The following DAG1 variants were observed in gnomAD, a reference collection of about 807,000 sequenced individuals.
DAG1 encodes the protein dystroglycan 1.
In DAG1, 8 loss-of-function variants were observed where a neutral mutation model predicts 46.1. The ratio of observed to expected loss-of-function variants is 0.17; its 90% confidence interval spans 0.10 to 0.31. The LOEUF (loss-of-function observed/expected upper bound fraction) is 0.31. Among genes scored for constraint, DAG1 ranks in the 10% least tolerant of loss-of-function variants. DAG1 has a pLI of 1.00. For missense variants in DAG1, 1,003 were observed against 1,189.9 expected, an observed-to-expected ratio of 0.84 and a Z score of 2.31; for synonymous variants, 495 against 481.8, an observed-to-expected ratio of 1.03 and a Z score of -0.36.
rs546094977 is a variant in DAG1 at position 49,488,239 on chromosome 3, C to T, written c.-117+17806C>T. On this transcript the variant is annotated intron_variant, in intron 1 of 2. Coordinates refer to ENST00000308775, the MANE Select transcript of DAG1 (RefSeq NM_004393.6). ...CTGTCTCATGTTGTTTCAAACTGCC[C>T]CACCTCCTTCCTCTTCCATCTTATG... is the stretch of plus-strand genomic sequence containing the variant. Among the ~76,000 whole-genome samples, 8 of 152,218 alleles carry T rather than the reference C, an allele frequency of 5.3e-5. No individual in the cohort carries two copies. The South Asian group carries it at 1.7e-3, about 32-fold the overall frequency.
Position 49,532,672 on chromosome 3 carries a change from G to T in DAG1, c.2161G>T (p.Val721Leu). Residue 721 changes from valine to leucine, a missense_variant, in exon 3 of 3, where the codon GTG (valine) becomes TTG (leucine). Transcript: ENST00000308775. This position sits in a 1 kb window ranked among gnomAD's most constrained non-coding sequence, Gnocchi z 5.4. The part of the protein sequence containing the change: ...GSCRHLQFIP[V>L]VPPRRVPSEA... Reference sequence around the variant, plus strand: ...TTGTCGGCACCTACAGTTTATCCCTGTGGTACCACCCAGGAGAGTGCCCTC... The same window carrying T: ...TTGTCGGCACCTACAGTTTATCCCTTTGGTACCACCCAGGAGAGTGCCCTC... The T allele has an allele frequency of 6.2e-7, 1 of 1,614,168 alleles. No individual in the cohort carries two copies. Among genetic ancestry groups the T allele is most frequent in the Admixed American group, 1.7e-5 (1 of 60,034 alleles).
intron 1 of DAG1, among the ~76,000 whole-genome samples, chr3:49,499,209 A>G (rs1040635762): frequency 6.6e-6 from 1 of 152,026 alleles, no homozygotes; most frequent in African/African-American, 2.4e-5. Context: ...ACTAATAGAG[A>G]GCTGTTGTTT....
chr3:49,511,565 G>A (rs896551359), intron 2 of DAG1, among the ~76,000 whole-genome samples: 3 of 152,222 alleles, frequency 2.0e-5, no homozygotes, highest in African/African-American at 4.8e-5. Flanking sequence ...CCAAGCTGGA[G>A]TGCACTGGCA....
intron 2 of DAG1, among the ~76,000 whole-genome samples, chr3:49,528,672 A>G (rs188296767): frequency 7.9e-4 from 120 of 152,316 alleles, no homozygotes; most frequent in African/African-American, 2.9e-3. Context: ...CCATGTTTAC[A>G]GATGTTTTAA....
chr3:49,525,324 T>A (rs1559573459), intron 2 of DAG1, among the ~76,000 whole-genome samples: 1 of 152,188 alleles, frequency 6.6e-6, no homozygotes, highest in African/African-American at 2.4e-5. Flanking sequence ...TTGGAGAGAC[T>A]TGGCTCTTAT....
intron 1 of DAG1, among the ~76,000 whole-genome samples, chr3:49,478,520 C>T (rs2049758336): frequency 7.6e-6 from 1 of 132,260 alleles, no homozygotes; most frequent in Non-Finnish European, 1.5e-5. Flanking sequence ...ATCTTTTGAG[C>T]CCAAGAGTTT....
intron 1 of DAG1, among the ~76,000 whole-genome samples, chr3:49,489,098 C>CTT (rs562212219): frequency 3.6e-5 from 5 of 140,238 alleles, no homozygotes; most frequent in African/African-American, 7.8e-5. Flanking sequence ...TGTGAATTAC[C>CTT]TTTTTTTTTT....
At position 49,534,319 on chromosome 3, in the gene DAG1, A is replaced by G. The variant is rs1192037970; in HGVS notation, c.*1120A>G. On this transcript the variant is annotated 3_prime_UTR_variant, in exon 3 of 3. Transcript: ENST00000308775. ...ACTTGACCTTGGCCGCTTTGTCCTA[A>G]CAGTCCACAGTCCTGCCCCGACCCA... is the stretch of plus-strand genomic sequence containing the variant. The G allele has an allele frequency of 6.6e-6, 1 of 152,520 alleles. No individual in the cohort carries two copies. Among genetic ancestry groups the G allele is most frequent in the Non-Finnish European group, 1.5e-5 (1 of 68,032 alleles). 9.4% of individuals were successfully genotyped at this position (152,520 alleles called of 1,614,324 possible). A position where few individuals can be genotyped will look rare whatever the true frequency, so the allele number is the denominator to read the frequency against.
intron 1 of DAG1, among the ~76,000 whole-genome samples, chr3:49,484,266 T>A (rs1351477247): frequency 6.6e-6 from 1 of 152,118 alleles, no homozygotes; most frequent in African/African-American, 2.4e-5. Flanking sequence ...TTAAAAGTAG[T>A]TAGAAAGTGA....
chr3:49,490,567 ATTC>A (rs932194967), intron 1 of DAG1, among the ~76,000 whole-genome samples: 2 of 149,602 alleles, frequency 1.3e-5, no homozygotes, highest in African/African-American at 4.9e-5. Context: ...TAATTTTTTT[ATTC>A]TTTTATTTTT....
At chr3:49,473,209 A>G (rs548271261) in intron 1 of DAG1, among the ~76,000 whole-genome samples, 1 of 151,338 alleles carries the variant, frequency 6.6e-6, no homozygotes, top group Admixed American at 6.6e-5. Flanking sequence ...AGGTCAGGAG[A>G]TCAAGACCAT....
At chr3:49,478,362 A>G (rs2049749119) in intron 1 of DAG1, among the ~76,000 whole-genome samples, 2 of 142,718 alleles carry the variant, frequency 1.4e-5, no homozygotes, top group South Asian at 4.6e-4. Context: ...TGGGAGGCTA[A>G]GGTGGGAGGA....
chr3:49,526,249 C>G (rs1018928428), intron 2 of DAG1, among the ~76,000 whole-genome samples: 1 of 152,196 alleles, frequency 6.6e-6, no homozygotes, highest in African/African-American at 2.4e-5. Context: ...CCCCCATGAT[C>G]CAGTCCCCTC....
intron 2 of DAG1, among the ~76,000 whole-genome samples, chr3:49,513,715 A>G (rs984113058): frequency 1.3e-5 from 2 of 152,172 alleles, no homozygotes; most frequent in African/African-American, 2.4e-5. Flanking sequence ...AGCAGCTCAC[A>G]TGTAGCAGTT....
chr3:49,501,905 A>C lies in DAG1; in HGVS notation c.-116-8514A>C, dbSNP rs142250854. ...CAGTAAAGAAAACTGTAGGCCAAGC[A>C]CAGTGGCTCACGCCTGTTCCCAACA... On this transcript the variant is annotated intron_variant, in intron 1 of 2. Coordinates refer to ENST00000308775, the MANE Select transcript of DAG1 (RefSeq NM_004393.6). Among the ~76,000 whole-genome samples the C allele has an allele frequency of 6.6e-5, 10 of 152,166 alleles. 1 individual carries two copies. The East Asian group carries it at 1.7e-3, about 27-fold the overall frequency.
At chr3:49,529,051 G>A (rs1385621012) in intron 2 of DAG1, among the ~76,000 whole-genome samples, 4 of 151,498 alleles carry the variant, frequency 2.6e-5, no homozygotes, top group South Asian at 2.1e-4. Context: ...GGGTTTCGCC[G>A]TGTTGGCCAG....
chr3:49,484,299 G>A (rs1301702817), intron 1 of DAG1, among the ~76,000 whole-genome samples: 2 of 152,090 alleles, frequency 1.3e-5, no homozygotes, highest in Admixed American at 1.3e-4. Flanking sequence ...ATGTAGGGGA[G>A]AAATCTTAGC....
At chr3:49,530,105 G>T (rs2051298198) in intron 2 of DAG1, among the ~76,000 whole-genome samples, 1 of 152,178 alleles carries the variant, frequency 6.6e-6, no homozygotes, top group Non-Finnish European at 1.5e-5. Context: ...TTCTAGAATA[G>T]TTGATTCTAG....
intron 2 of DAG1, among the ~76,000 whole-genome samples, chr3:49,515,136 C>T (rs187924639): frequency 3.3e-5 from 5 of 151,754 alleles, no homozygotes; most frequent in Admixed American, 6.6e-5. Flanking sequence ...GCCCAGCCCA[C>T]GTTTTGTATT....
Sources: gnomAD v4.1 joint callset for allele counts (sites outside exome capture counted in the v4.1 genomes callset) on GRCh38, gnomAD v4.1.1 for gene constraint, Gnocchi (gnomAD v3.1) non-coding constraint, MANE v1.5 for transcripts, NCBI Gene and HGNC (gene_info 2026-07-23, HGNC 2026-07-21) for gene names.